The following MAD1L1 variants were observed in gnomAD, a reference collection of about 807,000 sequenced individuals.
MAD1L1 encodes the protein mitotic arrest deficient 1 like 1.
In MAD1L1, 95 loss-of-function variants were observed where a neutral mutation model predicts 96.9. The ratio of observed to expected loss-of-function variants is 0.98; its 90% CI spans 0.83 to 1.16. The LOEUF (loss-of-function observed/expected upper bound fraction) is 1.16. Ranked by LOEUF, MAD1L1 falls within the 50% of genes most tolerant of loss-of-function variation. The probability of loss-of-function intolerance (pLI) is 0.00; values close to 1 mark genes in which losing one functional copy is unlikely to be tolerated. For synonymous variants in MAD1L1, 473 were observed against 396.6 expected (o/e 1.19, Z -2.29); for missense variants, 1,007 against 954.4 (o/e 1.06, Z -0.73).
intron 16 of MAD1L1, among the ~76,000 whole-genome samples, chr7:1,937,589 G>C (rs1249551685): frequency 6.6e-6 from 1 of 151,542 alleles, no homozygotes; most frequent in Non-Finnish European, 1.5e-5. Context: ...GCCGCCCACA[G>C]CAGGGAACAG....
chr7:2,004,540 G>A (rs768214521), intron 13 of MAD1L1, among the ~76,000 whole-genome samples: 1 of 152,204 alleles, frequency 6.6e-6, no homozygotes, highest in Non-Finnish European at 1.5e-5. Flanking sequence ...AGCTGTGCGC[G>A]AGGCCCGGAC....
At chr7:2,223,087 A>C (rs1250223535) in intron 4 of MAD1L1, among the ~76,000 whole-genome samples, 2 of 152,120 alleles carry the variant, frequency 1.3e-5, no homozygotes, top group Non-Finnish European at 2.9e-5. Flanking sequence ...TTCAGCATTG[A>C]CCTTGGGGAG....
In MAD1L1 at chr7:2,156,561, T is replaced by C. The variant is rs914348267; in HGVS notation, c.987-7323A>G. 5.9e-5 allele frequency among the ~76,000 whole-genome samples: 9 copies of C among 152,172 alleles called. No individual in the cohort carries two copies. In the South Asian group the frequency reaches 8.3e-4, roughly 14 times the overall value. On this transcript the variant is annotated intron_variant, in intron 10 of 18. Transcript: ENST00000265854. ...GGCTGGGCGCGCAGTGGCTCACGCC[T>C]ATAATGCCAGCACTTTGGGAGGCCG...
At chr7:1,913,112 T>C (rs2128451456) in intron 17 of MAD1L1, among the ~76,000 whole-genome samples, 1 of 152,324 alleles carries the variant, frequency 6.6e-6, no homozygotes, top group East Asian at 1.9e-4. Flanking sequence ...TCCTGTCTCT[T>C]TTCCCCTTTT....
intron 11 of MAD1L1, among the ~76,000 whole-genome samples, chr7:2,089,955 G>A (rs1786123876): frequency 6.6e-6 from 1 of 152,232 alleles, no homozygotes; most frequent in African/African-American, 2.4e-5. Flanking sequence ...TCCGGCCAGG[G>A]ACAGGGAACA....
intron 18 of MAD1L1, among the ~76,000 whole-genome samples, chr7:1,870,587 T>C (rs1785011947): frequency 6.9e-6 from 1 of 144,822 alleles, no homozygotes; most frequent in African/African-American, 2.6e-5. Context: ...CCTGCCACGC[T>C]GAACCCACCG....
intron 18 of MAD1L1, chr7:1,845,969 G>A (rs1213408973): frequency 1.3e-5 from 2 of 152,890 alleles, no homozygotes; most frequent in Non-Finnish European, 2.9e-5. Context: ...CTCAGAAACA[G>A]ACCAAGAGAC....
intron 12 of MAD1L1, among the ~76,000 whole-genome samples, chr7:2,031,348 G>C (rs1783217563): frequency 1.3e-5 from 2 of 152,210 alleles, no homozygotes; most frequent in Non-Finnish European, 2.9e-5. Flanking sequence ...TGTAGCTGTG[G>C]GGGAGGGGGA....
At chr7:1,875,285 T>C (rs1583625909) in intron 18 of MAD1L1, among the ~76,000 whole-genome samples, 2 of 152,190 alleles carry the variant, frequency 1.3e-5, no homozygotes, top group African/African-American at 2.4e-5. Flanking sequence ...GAGTACCGGA[T>C]AGGACCTGGG....
chr7:2,092,132 C>T (rs1056184075), intron 11 of MAD1L1, among the ~76,000 whole-genome samples: 6 of 152,208 alleles, frequency 3.9e-5, no homozygotes, highest in South Asian at 2.1e-4. Context: ...TGTGGCTCCA[C>T]GTCTCCACCA....
Position 2,168,769 on chromosome 7 carries a change from G to A in MAD1L1, c.987-19531C>T, listed in dbSNP as rs552344147. ...GCCGGAACACCAAGGAGCTCTGGGA[G>A]GGTGGAGGAAGAACACAAGCCTGGA... is the stretch of plus-strand genomic sequence containing the variant. On this transcript the variant is annotated intron_variant, in intron 10 of 18. Coordinates refer to ENST00000265854, the MANE Select transcript of MAD1L1 (RefSeq NM_001013836.2). Among the ~76,000 whole-genome samples, 30 of 152,398 alleles carry A rather than the reference G, an allele frequency of 2.0e-4. No individual in the cohort carries two copies. In the South Asian group the frequency reaches 6.0e-3, roughly 31 times the overall value.
intron 10 of MAD1L1, among the ~76,000 whole-genome samples, chr7:2,208,998 A>G (rs568880061): frequency 1.3e-5 from 2 of 152,222 alleles, no homozygotes; most frequent in South Asian, 4.2e-4. Context: ...CACTCCCGGC[A>G]CTGGCATCCT....
chr7:1,948,429 C>T (rs528927040), intron 16 of MAD1L1, among the ~76,000 whole-genome samples: 6 of 152,296 alleles, frequency 3.9e-5, no homozygotes, highest in South Asian at 2.1e-4. Flanking sequence ...CTTTCCCCAG[C>T]AGGACACGCC....
In MAD1L1 at chr7:2,024,387, G is replaced by C. The variant is rs546838142; in HGVS notation, c.1219-9745C>G. ...CTCTTTCCTGACTGAGACACACAGA[G>C]GGCCTTCACCACCATGTGAGCCAGG... On this transcript the variant is annotated intron_variant, in intron 12 of 18. Transcript: ENST00000265854. Among the ~76,000 whole-genome samples the C allele has an allele frequency of 3.0e-4, 46 of 152,330 alleles. 1 individual carries two copies. In the South Asian group the frequency reaches 9.3e-3, roughly 31 times the overall value.
At chr7:2,064,581 AC>A (rs1784798816) in intron 12 of MAD1L1, among the ~76,000 whole-genome samples, 1 of 152,122 alleles carries the variant, frequency 6.6e-6, no homozygotes, top group Non-Finnish European at 1.5e-5. Flanking sequence ...TCCTAGGAGG[AC>A]AGTGGCTTCT....
intron 18 of MAD1L1, among the ~76,000 whole-genome samples, chr7:1,857,295 C>CTCAG (rs1784305613): frequency 1.3e-5 from 2 of 152,326 alleles, no homozygotes; most frequent in East Asian, 3.9e-4. Flanking sequence ...CAGCCTCTGA[C>CTCAG]TCAGTGCTCA....
intron 11 of MAD1L1, among the ~76,000 whole-genome samples, chr7:2,081,092 A>G (rs746416158): frequency 7.2e-5 from 11 of 152,030 alleles, no homozygotes; most frequent in Non-Finnish European, 1.5e-4. Context: ...ATGGTCCAGG[A>G]GCCAGGCCAG....
At chr7:2,003,610 T>A (rs1386740176) in intron 13 of MAD1L1, among the ~76,000 whole-genome samples, 3 of 152,032 alleles carry the variant, frequency 2.0e-5, no homozygotes, top group African/African-American at 7.2e-5. Flanking sequence ...CTCCCAAGCC[T>A]CTGGTGTGGG....
chr7:1,860,444 G>C (rs1021604724), intron 18 of MAD1L1, among the ~76,000 whole-genome samples: 1 of 151,510 alleles, frequency 6.6e-6, no homozygotes, highest in Non-Finnish European at 1.5e-5. Flanking sequence ...TGTCTCCCTA[G>C]AGGTGACATC....
Sources: gnomAD v4.1 joint callset for allele counts (sites outside exome capture counted in the v4.1 genomes callset) on GRCh38, gnomAD v4.1.1 for gene constraint, MANE v1.5 for transcripts, NCBI Gene and HGNC (gene_info 2026-07-23, HGNC 2026-07-21) for gene names.